The following REV3L variants were observed in gnomAD, a reference collection of about 807,000 sequenced individuals.
The protein encoded by REV3L is REV3 like, DNA directed polymerase zeta catalytic subunit.
REV3L carries 69 observed loss-of-function variants against 299.4 expected under a neutral mutation model. That is an observed-to-expected ratio of 0.23 (90% confidence interval 0.19 to 0.28). The LOEUF (loss-of-function observed/expected upper bound fraction) is 0.28. REV3L is among the 10% of genes least tolerant of loss of function. The pLI is 1.00. For synonymous variants in REV3L, 1,238 were observed against 1,271.4 expected (o/e 0.97, Z 0.56); for missense variants, 3,128 against 3,693.8 (o/e 0.85, Z 3.97).
chr6:111,330,417 A>G, intron 24 of REV3L: 1 of 392,148 alleles, frequency 2.6e-6, no homozygotes, highest in Admixed American at 2.7e-5. Flanking sequence ...CTCCAGTAGG[A>G]ATGAAAACCA....
At chr6:111,310,981 G>T in intron 29 of REV3L, 88 bp downstream of exon 29, 3 of 1,018,272 alleles carry the variant, frequency 2.9e-6, no homozygotes, top group East Asian at 2.7e-5. Flanking sequence ...TTTTGTGTCT[G>T]TGTCTATGGA....
At chr6:111,473,657 T>C (rs1792535463) in intron 1 of REV3L, among the ~76,000 whole-genome samples, 1 of 152,000 alleles carries the variant, frequency 6.6e-6, no homozygotes, top group Non-Finnish European at 1.5e-5. Flanking sequence ...TTAGATACAG[T>C]AGGGTCTCAA....
intron 1 of REV3L, among the ~76,000 whole-genome samples, chr6:111,482,471 G>A (rs772607831): frequency 6.6e-6 from 1 of 151,070 alleles, no homozygotes; most frequent in Non-Finnish European, 1.5e-5. Context: ...CCTGGAGTGC[G>A]GCTCCCGCTC....
At chr6:111,328,913 A>C (rs866187834) in intron 25 of REV3L, among the ~76,000 whole-genome samples, 2 of 152,080 alleles carry the variant, frequency 1.3e-5, no homozygotes, top group South Asian at 2.1e-4. Flanking sequence ...CCACAGGCAC[A>C]TAACACTATG....
At position 111,482,952 on chromosome 6, in the gene REV3L, C is replaced by A; in HGVS notation, c.-64G>T. 1.4e-6 allele frequency: 2 copies of A among 1,446,348 alleles called. No individual in the cohort carries two copies. Among genetic ancestry groups the A allele is most frequent in the Non-Finnish European group, 1.8e-6 (2 of 1,105,912 alleles). The allele number at this position is 1,446,348 out of a possible 1,614,324, so 89.6% of individuals were successfully genotyped here. On this transcript the variant is annotated 5_prime_UTR_variant, in exon 1 of 32. Transcript: ENST00000368802. Reference sequence around the variant, plus strand: ...CCGGCAGCGGCAGCAGCAGCGGCGGCGGCTCCCTCCGCAGCGGCGGCGGCG... The same window carrying A: ...CCGGCAGCGGCAGCAGCAGCGGCGGAGGCTCCCTCCGCAGCGGCGGCGGCG...
At position 111,392,022 on chromosome 6, in the gene REV3L, C is replaced by T. The variant is rs370225016; in HGVS notation, c.662+854G>A. Among the ~76,000 whole-genome samples the T allele has an allele frequency of 2.1e-4, 32 of 152,344 alleles. 1 individual carries two copies. Among genetic ancestry groups the T allele is most frequent in the African/African-American group, 7.7e-4 (32 of 41,580 alleles). On this transcript the variant is annotated intron_variant, in intron 5 of 31. Transcript: ENST00000368802. The stretch of plus-strand genomic sequence containing the variant: ...CAAAATGTGAATTGTCCTCTTCATT[C>T]ATACAATTTAACACACATTGAAGTA...
intron 1 of REV3L, among the ~76,000 whole-genome samples, chr6:111,472,371 T>C (rs900561423): frequency 5.3e-5 from 8 of 152,016 alleles, no homozygotes; most frequent in Non-Finnish European, 8.8e-5. Context: ...GTAATCGTAA[T>C]AAATGGAAGA....
intron 1 of REV3L, among the ~76,000 whole-genome samples, chr6:111,428,700 A>G (rs945860384): frequency 2.6e-5 from 4 of 152,138 alleles, no homozygotes; most frequent in Non-Finnish European, 4.4e-5. Context: ...ACCAATGGAA[A>G]GGAATGAAGG....
chr6:111,441,034 T>A (rs780175914), intron 1 of REV3L, among the ~76,000 whole-genome samples: 1 of 152,244 alleles, frequency 6.6e-6, no homozygotes, highest in Admixed American at 6.5e-5. Context: ...TTTCTCTTTA[T>A]CTTTGGTTTC....
chr6:111,349,371 C>A, intron 19 of REV3L, 35 bp from the exon 20 acceptor site: 1 of 1,010,974 alleles, frequency 9.9e-7, no homozygotes, highest in Non-Finnish European at 1.5e-6. Context: ...TCAGGGCTCA[C>A]AGAAAACAAA....
chr6:111,417,247 G>A (rs988705745), intron 1 of REV3L, among the ~76,000 whole-genome samples: 1 of 152,096 alleles, frequency 6.6e-6, no homozygotes, highest in South Asian at 2.1e-4. Flanking sequence ...ATTTGAGTGA[G>A]AACCCACAAA....
chr6:111,342,095 T>C (rs1415681712), intron 21 of REV3L, among the ~76,000 whole-genome samples: 1 of 152,116 alleles, frequency 6.6e-6, no homozygotes, highest in South Asian at 2.1e-4. Context: ...CTACATCAAG[T>C]TGGAGGAGCT....
At position 111,333,186 on chromosome 6, in the gene REV3L, G is replaced by C; in HGVS notation, c.7862C>G (p.Ser2621Cys). 1 of 1,614,092 alleles carries C rather than the reference G, an allele frequency of 6.2e-7. No individual in the cohort carries two copies. The highest frequency in any genetic ancestry group is 2.2e-5 in the East Asian group (1 of 44,860). ...GCAGTAGTTATATGCAATCACAATA[G>C]AAGGATAAAGTGATTGGAAATCCAA... ...LVLDFQSLYP[S>C]IVIAYNYCFS... Residue 2621 changes from serine to cysteine, a missense_variant, in exon 23 of 32, where the codon TCT becomes TGT. This residue lies in a region of REV3L where 149 missense variants were observed against 286.4 expected (regional missense o/e 0.52). Coordinates refer to ENST00000368802, the MANE Select transcript of REV3L (RefSeq NM_001372078.1).
At chr6:111,438,285 A>T (rs1289104514) in intron 1 of REV3L, among the ~76,000 whole-genome samples, 1 of 152,178 alleles carries the variant, frequency 6.6e-6, no homozygotes, top group South Asian at 2.1e-4. Flanking sequence ...TCATTAAATT[A>T]TTCAATTTAT....
chr6:111,483,222 C>G (rs1043740711), upstream of REV3L: 11 of 476,238 alleles, frequency 2.3e-5, no homozygotes, highest in African/African-American at 2.3e-4. Context: ...ATGTCACGGA[C>G]GCAACCACTG....
chr6:111,379,850 A>G (rs1347882917), intron 11 of REV3L, 132 bp downstream of exon 11: 6 of 676,466 alleles, frequency 8.9e-6, no homozygotes. Flanking sequence ...ACAGATCACT[A>G]AAGGGGAATT....
intron 31 of REV3L, among the ~76,000 whole-genome samples, chr6:111,302,247 T>C (rs1771643472): frequency 6.6e-6 from 1 of 152,242 alleles, no homozygotes; most frequent in Non-Finnish European, 1.5e-5. Flanking sequence ...CCTTTGCTAA[T>C]TAGATCTCTG....
At chr6:111,320,793 G>A (rs1276109505) in intron 26 of REV3L, among the ~76,000 whole-genome samples, 1 of 152,078 alleles carries the variant, frequency 6.6e-6, no homozygotes, top group African/African-American at 2.4e-5. Context: ...AGGAGTACAG[G>A]TGCACACCAC....
At chr6:111,476,719 G>T (rs1220637892) in intron 1 of REV3L, among the ~76,000 whole-genome samples, 1 of 152,114 alleles carries the variant, frequency 6.6e-6, no homozygotes, top group Non-Finnish European at 1.5e-5. Flanking sequence ...ATACAAGTAA[G>T]AATAATACAA....
Sources: allele counts gnomAD v4.1 joint callset (sites outside exome capture counted in the v4.1 genomes callset), GRCh38; gene constraint gnomAD v4.1.1; regional missense constraint gnomAD v4.1.1; transcripts MANE v1.5; gene names NCBI Gene and HGNC (gene_info 2026-07-23, HGNC 2026-07-21).